The following SLC12A2 variants were observed in gnomAD, a reference collection of about 807,000 sequenced individuals.
The protein encoded by SLC12A2 is solute carrier family 12 member 2.
Under a neutral mutation model 136.3 loss-of-function variants are expected in SLC12A2, and 67 were observed. The ratio of observed to expected loss-of-function variants is 0.49; its 90% CI spans 0.40 to 0.60. SLC12A2 has a LOEUF of 0.60. Among genes scored for constraint, SLC12A2 ranks in the 20% least tolerant of loss-of-function variants. The pLI is 0.00. For synonymous variants in SLC12A2, 619 were observed against 562.9 expected (o/e 1.10, Z -1.41); for missense variants, 1,322 against 1,534.7 (o/e 0.86, Z 2.32).
intron 1 of SLC12A2, among the ~76,000 whole-genome samples, chr5:128,095,674 T>C (rs1194880420): frequency 1.3e-5 from 2 of 151,972 alleles, no homozygotes; most frequent in Non-Finnish European, 2.9e-5. Flanking sequence ...CATTATGAAA[T>C]TTTTTTTGCA....
chr5:128,098,886 C>T (rs1249740123), intron 1 of SLC12A2, among the ~76,000 whole-genome samples: 1 of 152,048 alleles, frequency 6.6e-6, no homozygotes, highest in Non-Finnish European at 1.5e-5. Context: ...ACTTAATTTC[C>T]AATTCCTCTG....
intron 20 of SLC12A2, 115 bp downstream of exon 20, chr5:128,174,781 T>A: frequency 1.2e-6 from 1 of 816,046 alleles, no homozygotes; most frequent in South Asian, 2.5e-5. Context: ...CTTGTACTGG[T>A]CATTTCTAGC....
At position 128,180,897 on chromosome 5, in the gene SLC12A2, ATACCT is replaced by A; in HGVS notation, c.3122_3126del (p.Tyr1041SerfsTer11). 6.3e-7 allele frequency: 1 copy of A among 1,597,098 alleles called. No homozygotes were observed. Among genetic ancestry groups the A allele is most frequent in the Non-Finnish European group, 8.6e-7 (1 of 1,165,426 alleles). On this transcript the variant is annotated frameshift_variant, in exon 23 of 27. Transcript: ENST00000262461. LOFTEE classifies it high-confidence loss of function. ...TTATAATTCAGGTTTGACCTTATTG[ATACCT>A]TACCTTCTGACGACCAAGAAAAAAT...
At chr5:128,181,561 GGGT>G (rs1763708375) in intron 23 of SLC12A2, among the ~76,000 whole-genome samples, 1 of 152,142 alleles carries the variant, frequency 6.6e-6, no homozygotes, top group Non-Finnish European at 1.5e-5. Context: ...GGTAAGACAT[GGGT>G]ACTCAGAAGC....
intron 17 of SLC12A2, among the ~76,000 whole-genome samples, chr5:128,166,636 A>C (rs976004925): frequency 6.6e-6 from 1 of 152,096 alleles, no homozygotes; most frequent in Non-Finnish European, 1.5e-5. Context: ...ACGGAAGTAC[A>C]TATTACCAAG....
chr5:128,138,600 A>T lies in SLC12A2; in HGVS notation c.1412A>T (p.Glu471Val). 6.2e-7 allele frequency: 1 copy of T among 1,606,874 alleles called. No homozygotes were observed. Among genetic ancestry groups the T allele is most frequent in the African/African-American group, 1.3e-5 (1 of 74,330 alleles). ...KPKGFFGYKS[E>V]IFNENFGPDF... is the part of the protein sequence containing the mutation. ...AAGAATATTTTGTTCTCTGCAGCTG[A>T]AATATTTAATGAGAACTTTGGGCCC... Residue 471 changes from glutamate (E) to valine (V), a missense_variant, in exon 8 of 27, where the codon GAA (glutamate) becomes GTA (valine). Glu to Val is a moderately radical substitution (Grantham distance 121). Transcript: ENST00000262461.
chr5:128,152,828 T>C, intron 15 of SLC12A2, 23 bp downstream of exon 15: 2 of 1,388,776 alleles, frequency 1.4e-6, no homozygotes, highest in Non-Finnish European at 2.1e-6. Context: ...GAAGGAAACA[T>C]GGAAGCATTT....
intron 5 of SLC12A2, among the ~76,000 whole-genome samples, chr5:128,133,121 A>G (rs80015166): frequency 0.019 from 2,939 of 152,154 alleles, 49 homozygotes; most frequent in Middle Eastern, 0.034. Flanking sequence ...GGGAATTTCA[A>G]CGATCAGATT....
chr5:128,170,182 T>C (rs371412485), intron 18 of SLC12A2: 7 of 152,222 alleles, frequency 4.6e-5, no homozygotes, highest in African/African-American at 1.7e-4. Flanking sequence ...TTTGTTTTAA[T>C]CCACAGTAAA....
chr5:128,174,327 A>G (rs1268636311), intron 19 of SLC12A2, among the ~76,000 whole-genome samples: 1 of 152,142 alleles, frequency 6.6e-6, no homozygotes, highest in Non-Finnish European at 1.5e-5. Context: ...AAAAAGTTTC[A>G]GACTTTCAGA....
At chr5:128,129,799 T>C (rs910645808) in intron 4 of SLC12A2, among the ~76,000 whole-genome samples, 1 of 152,200 alleles carries the variant, frequency 6.6e-6, no homozygotes, top group Non-Finnish European at 1.5e-5. Context: ...AACCAAGTTT[T>C]GATTGTGACC....
rs544819780 is a variant in SLC12A2, at chr5:128,188,918, T to G, written c.*2287T>G. The G allele has an allele frequency of 1.3e-5, 2 of 148,300 alleles. No homozygotes were observed. The highest frequency in any genetic ancestry group is 2.6e-5 in the African/African-American group (1 of 38,426). 9.2% of individuals were successfully genotyped at this position (148,300 alleles called of 1,614,324 possible). On this transcript the variant is annotated 3_prime_UTR_variant, in exon 27 of 27. Coordinates refer to ENST00000262461, the MANE Select transcript of SLC12A2 (RefSeq NM_001046.3). The stretch of plus-strand genomic sequence containing the variant: ...ATCTTGAAATGTGCACAGGTACACT[T>G]ACCTTTTTTTTTTTTTTTTTTAAGT...
intron 16 of SLC12A2, 69 bp downstream of exon 16, chr5:128,158,233 G>A: frequency 1.8e-6 from 2 of 1,133,802 alleles, no homozygotes; most frequent in South Asian, 1.4e-5. Context: ...AGGAATACAT[G>A]TGCAGGTTTG....
rs554682249 is a variant in SLC12A2 at position 128,131,011 on chromosome 5, G to A, written c.1049-56G>A. The A allele has an allele frequency of 1.0e-4, 155 of 1,537,624 alleles. 1 individual carries two copies. In the South Asian group the frequency reaches 1.5e-3, roughly 15 times the overall value. ...TCATGTATAATTAAAGGATAATTTG[G>A]CATTTTAAATCCTAACTTTAGTACC... On this transcript the variant is annotated intron_variant, in intron 4 of 26. Transcript: ENST00000262461.
chr5:128,183,937 A>G (rs1763787773), intron 24 of SLC12A2, among the ~76,000 whole-genome samples: 2 of 152,190 alleles, frequency 1.3e-5, no homozygotes, highest in Admixed American at 1.3e-4. Context: ...CCTTATCCCA[A>G]ATGCTTGGGA....
At chr5:128,121,462 A>G (rs940851429) in intron 4 of SLC12A2, among the ~76,000 whole-genome samples, 1 of 151,912 alleles carries the variant, frequency 6.6e-6, no homozygotes, top group Non-Finnish European at 1.5e-5. Context: ...AGCTGGGACT[A>G]CAGGTACCTG....
Position 128,084,059 on chromosome 5 carries a change from C to T in SLC12A2, c.105C>T (p.Pro35=), listed in dbSNP as rs749899965. 3.8e-6 allele frequency: 5 copies of T among 1,305,670 alleles called. No homozygotes were observed. Among genetic ancestry groups the T allele is most frequent in the East Asian group, 3.2e-5 (1 of 31,426 alleles). 80.9% of individuals were successfully genotyped at this position (1,305,670 alleles called of 1,614,324 possible). Residue 35 remains proline, a synonymous_variant, in exon 1 of 27, where the codon CCC becomes CCT. Transcript: ENST00000262461. The surrounding 1 kb of genome is among the most constrained non-coding windows in gnomAD (Gnocchi z 5.6). ...AALAAARVEL[P]GTAVPSVPED... Reference sequence around the variant, plus strand: ...TGGCCGCAGCCAGGGTGGAACTGCCCGGCACGGCTGTGCCCTCGGTGCCGG... The same window carrying T: ...TGGCCGCAGCCAGGGTGGAACTGCCTGGCACGGCTGTGCCCTCGGTGCCGG...
chr5:128,107,804 C>A (rs1481241538), intron 1 of SLC12A2, among the ~76,000 whole-genome samples: 2 of 151,850 alleles, frequency 1.3e-5, no homozygotes, highest in South Asian at 4.2e-4. Flanking sequence ...TGAGTGTGTC[C>A]CCAGTAATGG....
At position 128,158,184 on chromosome 5, in the gene SLC12A2, TC is replaced by T. The variant is rs1219153718; in HGVS notation, c.2475+21del. 1 of 1,572,440 alleles carries T rather than the reference TC, an allele frequency of 6.4e-7. No individual in the cohort carries two copies. Among genetic ancestry groups the T allele is most frequent in the Non-Finnish European group, 8.7e-7 (1 of 1,154,526 alleles). ...CATATGGTAAGTATCAATTTTGTTT[TC>T]TTTTTCAAGTTTTTTTTTAAAGTTT... On this transcript the variant is annotated intron_variant, in intron 16 of 26. Transcript: ENST00000262461.
Sources: gnomAD v4.1 joint callset for allele counts (sites outside exome capture counted in the v4.1 genomes callset) on GRCh38, gnomAD v4.1.1 for gene constraint, Gnocchi (gnomAD v3.1) non-coding constraint, MANE v1.5 for transcripts, NCBI Gene and HGNC (gene_info 2026-07-23, HGNC 2026-07-21) for gene names.